The following PDCL3 variants were observed in gnomAD, a reference collection of about 807,000 sequenced individuals.
PDCL3 encodes the protein phosducin like 3, also known as phosducin-like protein 3.
Under a neutral mutation model 26.5 loss-of-function variants are expected in PDCL3, and 22 were observed. The ratio of observed to expected loss-of-function variants is 0.83; its 90% CI spans 0.59 to 1.19. The LOEUF (loss-of-function observed/expected upper bound fraction) is 1.19, where lower values mean the gene tolerates loss of function less well. PDCL3 is among the 50% of genes most tolerant of loss of function. PDCL3 has a pLI of 0.00. For synonymous variants in PDCL3, 81 were observed against 104.9 expected, an observed-to-expected ratio of 0.77 and a Z score of 1.39; for missense variants, 246 against 294.1, an observed-to-expected ratio of 0.84 and a Z score of 1.20.
chr2:100,566,342 A>T (rs1199198070), intron 1 of PDCL3, among the ~76,000 whole-genome samples, 161 bp from the exon 2 acceptor site: 5 of 152,202 alleles, frequency 3.3e-5, no homozygotes, highest in African/African-American at 1.2e-4. Flanking sequence ...CAGGAAAAAC[A>T]AAACGGGGGC....
At chr2:100,569,210 G>A (rs538089697) in intron 3 of PDCL3, among the ~76,000 whole-genome samples, 189 bp downstream of exon 3, 4 of 152,060 alleles carry the variant, frequency 2.6e-5, no homozygotes, top group Admixed American at 6.6e-5. Context: ...GTGAAACCCC[G>A]TCTCTATAAA....
chr2:100,571,974 C>G, intron 5 of PDCL3, 176 bp downstream of exon 5: 1 of 629,632 alleles, frequency 1.6e-6, no homozygotes, highest in Non-Finnish European at 2.8e-6. Flanking sequence ...GGAACAGTTA[C>G]AACTGGGCTC....
At chr2:100,563,205 A>C (rs1674985145) in intron 1 of PDCL3, 132 bp downstream of exon 1, 2 of 1,188,446 alleles carry the variant, frequency 1.7e-6, no homozygotes, top group Non-Finnish European at 2.3e-6. Context: ...CGGCGCGTCC[A>C]GGCCCTGCGC....
intron 2 of PDCL3, among the ~76,000 whole-genome samples, chr2:100,567,899 T>A (rs949096190): frequency 3.3e-5 from 5 of 151,834 alleles, no homozygotes; most frequent in Non-Finnish European, 5.9e-5. Flanking sequence ...CTTGGCTCAC[T>A]GCAACCTCCG....
chr2:100,573,870 T>C (rs973609272), intron 5 of PDCL3, among the ~76,000 whole-genome samples: 1 of 152,152 alleles, frequency 6.6e-6, no homozygotes, highest in African/African-American at 2.4e-5. Context: ...TGCAATTGTT[T>C]TTATTTCTAA....
chr2:100,563,193 CCCGGCGCGT>C, intron 1 of PDCL3, 120 bp downstream of exon 1: 1 of 1,296,934 alleles, frequency 7.7e-7, no homozygotes, highest in Non-Finnish European at 1.0e-6. Context: ...ACGAGGGAGG[CCCGGCGCGT>C]CCAGGCCCTG....
chr2:100,574,572 CCAT>C (rs1285472841), intron 5 of PDCL3, among the ~76,000 whole-genome samples: 1 of 152,102 alleles, frequency 6.6e-6, no homozygotes, highest in East Asian at 1.9e-4. Flanking sequence ...AATTAACCAT[CCAT>C]CATTTCACAT....
rs1475653091 is a variant in PDCL3, at chr2:100,571,514, G to A, written c.369-76G>A. ...AAACTGTTACAAGGTTTTACTTAGGGTAGAAGGGTCATTGAGCTTTGTTCT... is the reference window on the plus strand; with the variant it reads ...AAACTGTTACAAGGTTTTACTTAGGATAGAAGGGTCATTGAGCTTTGTTCT... On this transcript the variant is annotated intron_variant, in intron 4 of 5. Transcript: ENST00000264254. 2.3e-6 allele frequency: 3 copies of A among 1,319,280 alleles called. No homozygotes were observed. In the African/African-American group the frequency reaches 4.3e-5, roughly 19 times the overall value. The allele number at this position is 1,319,280 out of a possible 1,614,324, so 81.7% of individuals were successfully genotyped here.
chr2:100,566,412 C>A, intron 1 of PDCL3, 91 bp from the exon 2 acceptor site: 1 of 1,461,468 alleles, frequency 6.8e-7, no homozygotes, highest in Non-Finnish European at 9.4e-7. Context: ...TTCCTCCCTT[C>A]CTGTCACTTT....
At chr2:100,571,921 A>AGTGACTGTGTATGG in intron 5 of PDCL3, 123 bp downstream of exon 5, 1 of 894,760 alleles carries the variant, frequency 1.1e-6, no homozygotes, top group Non-Finnish European at 1.8e-6. Context: ...CCTGTGTATG[A>AGTGACTGTGTATGG]GGACGGAAGC....
chr2:100,563,505 G>A (rs552273069), intron 1 of PDCL3: 129 of 163,310 alleles, frequency 7.9e-4, no homozygotes, highest in African/African-American at 2.8e-3. Flanking sequence ...TCCACTGAGA[G>A]CCAGGTGAGG....
intron 1 of PDCL3, among the ~76,000 whole-genome samples, chr2:100,566,000 T>C (rs1020114308): frequency 6.6e-6 from 1 of 151,970 alleles, no homozygotes; most frequent in Admixed American, 6.6e-5. Flanking sequence ...GCCTCCCGGG[T>C]TTATGCCATT....
At chr2:100,567,948 G>A (rs368125463) in intron 2 of PDCL3, among the ~76,000 whole-genome samples, 11 of 151,878 alleles carry the variant, frequency 7.2e-5, no homozygotes, top group East Asian at 3.9e-4. Context: ...TCAGCCTCCC[G>A]AGTAGCTGGG....
chr2:100,568,865 AAAAG>A, intron 2 of PDCL3, 62 bp from the exon 3 acceptor site: 1 of 1,370,122 alleles, frequency 7.3e-7, no homozygotes, highest in Middle Eastern at 1.8e-4. Flanking sequence ...GAGAGGGGAA[AAAAG>A]AAAAATACAT....
intron 4 of PDCL3, 134 bp downstream of exon 4, chr2:100,569,855 C>T: frequency 4.3e-6 from 4 of 937,358 alleles, no homozygotes; most frequent in Non-Finnish European, 6.1e-6. Flanking sequence ...ACCTGTAATC[C>T]CAGCACTTTG....
At position 100,569,580 on chromosome 2, in the gene PDCL3, G is replaced by A. The variant is rs763398924; in HGVS notation, c.227G>A (p.Arg76Gln). Reference protein sequence around the residue: ...EDERAIEMYRRRRLAEWKATK... With the variant: ...EDERAIEMYRQRRLAEWKATK... Reference sequence around the variant, plus strand: ...GTTTCTCTCCTTGTTTTGTGCAGACGGCGGAGACTGGCTGAGTGGAAAGCA... The same window carrying A: ...GTTTCTCTCCTTGTTTTGTGCAGACAGCGGAGACTGGCTGAGTGGAAAGCA... Residue 76 changes from arginine (R) to glutamine (Q), a missense_variant and splice_region_variant, in exon 4 of 6, where the codon CGG (arginine) becomes CAG (glutamine). By Grantham distance (43) the Arg-to-Gln change is conservative. Transcript: ENST00000264254. 15 of 1,612,674 alleles carry A rather than the reference G, an allele frequency of 9.3e-6. No individual in the cohort carries two copies. In the East Asian group the frequency reaches 1.8e-4, roughly 19 times the overall value.
intron 1 of PDCL3, among the ~76,000 whole-genome samples, chr2:100,564,335 CGCCCAGGCTGGA>C (rs1464252681): frequency 2.0e-5 from 3 of 149,088 alleles, no homozygotes; most frequent in Non-Finnish European, 4.5e-5. Context: ...CTTGCTCTGT[CGCCCAGGCTGGA>C]GTGCAGTGGC....
At chr2:100,573,289 ACTCTTTAT>A (rs1675213863) in intron 5 of PDCL3, among the ~76,000 whole-genome samples, 1 of 151,992 alleles carries the variant, frequency 6.6e-6, no homozygotes, top group South Asian at 2.1e-4. Flanking sequence ...GCCAAGTGAA[ACTCTTTAT>A]CTCTTTATTG....
chr2:100,575,268 T>A (rs1004313110), intron 5 of PDCL3, among the ~76,000 whole-genome samples: 3 of 152,202 alleles, frequency 2.0e-5, no homozygotes, highest in Non-Finnish European at 2.9e-5. Flanking sequence ...CCCGAGTAGC[T>A]GGGACTACAG....
Sources: allele counts gnomAD v4.1 joint callset (sites outside exome capture counted in the v4.1 genomes callset), GRCh38; gene constraint gnomAD v4.1.1; transcripts MANE v1.5; gene names NCBI Gene and HGNC (gene_info 2026-07-23, HGNC 2026-07-21).